RIPOR2: variants seen among roughly 807,000 people sequenced by gnomAD.
The protein encoded by RIPOR2 is RHO family interacting cell polarization regulator 2.
Under a neutral mutation model 114.5 loss-of-function variants are expected in RIPOR2, and 39 were observed. The ratio of observed to expected loss-of-function variants is 0.34; its 90% CI spans 0.26 to 0.44. The LOEUF is 0.44. RIPOR2 is among the 20% of genes least tolerant of loss of function. The probability of loss-of-function intolerance (pLI) is 1.00; values close to 1 mark genes in which losing one functional copy is unlikely to be tolerated. For synonymous variants in RIPOR2, 445 were observed against 484.4 expected (o/e 0.92, Z 1.07); for missense variants, 1,007 against 1,255.1 (o/e 0.80, Z 2.99).
intron 1 of RIPOR2, among the ~76,000 whole-genome samples, chr6:25,027,355 G>C (rs1776677511): frequency 1.3e-5 from 2 of 152,150 alleles, no homozygotes; most frequent in South Asian, 4.2e-4. Flanking sequence ...AGGGGGAGGC[G>C]CTCGAGGGTG....
chr6:25,000,372 A>G (rs911563019), intron 1 of RIPOR2, among the ~76,000 whole-genome samples: 1 of 152,196 alleles, frequency 6.6e-6, no homozygotes, highest in African/African-American at 2.4e-5. Flanking sequence ...CTGTACTGTC[A>G]GGTCTGTAAG....
At chr6:25,041,902 A>G (rs921985027) in exon 1 of RIPOR2, 17 of 702,820 alleles carry the variant, frequency 2.4e-5, no homozygotes, top group Non-Finnish European at 4.2e-5. Flanking sequence ...TTTCTGATCC[A>G]GTGTAATCGC....
intron 9 of RIPOR2, among the ~76,000 whole-genome samples, chr6:24,851,256 T>TA (rs750359349): frequency 2.6e-5 from 4 of 152,136 alleles, no homozygotes; most frequent in Non-Finnish European, 5.9e-5. Context: ...AGGTTTTCTG[T>TA]AGTAAAAGGT....
At chr6:24,965,196 G>A (rs1215764848) in intron 1 of RIPOR2, among the ~76,000 whole-genome samples, 3 of 151,720 alleles carry the variant, frequency 2.0e-5, no homozygotes, top group East Asian at 1.9e-4. Flanking sequence ...CCAGGCTAGA[G>A]CACAGTGGTA....
In RIPOR2 at chr6:24,830,489, T is replaced by C. The variant is rs1581515033; in HGVS notation, c.2506+20A>G. On this transcript the variant is annotated intron_variant, in intron 17 of 21. Transcript: ENST00000643898. ...CTCACACTGAAGGACAGAAATTCTC[T>C]CTCTACTGCTGCCTCATACCTGGGT... The C allele has an allele frequency of 6.5e-7, 1 of 1,537,202 alleles. No individual in the cohort carries two copies. Among genetic ancestry groups the C allele is most frequent in the East Asian group, 2.5e-5 (1 of 40,222 alleles).
At chr6:24,993,755 A>G (rs1041316798) in intron 1 of RIPOR2, among the ~76,000 whole-genome samples, 5 of 152,254 alleles carry the variant, frequency 3.3e-5, no homozygotes, top group Non-Finnish European at 7.3e-5. Context: ...ATAAAGTTAT[A>G]TTAAACAGTC....
chr6:24,919,841 C>T (rs1770345813), intron 1 of RIPOR2, among the ~76,000 whole-genome samples: 1 of 152,164 alleles, frequency 6.6e-6, no homozygotes, highest in Admixed American at 6.5e-5. Context: ...CACGTTTGAG[C>T]CTCTTCACCA....
chr6:25,008,360 G>A (rs934055906), intron 1 of RIPOR2, among the ~76,000 whole-genome samples: 2 of 152,190 alleles, frequency 1.3e-5, no homozygotes, highest in African/African-American at 4.8e-5. Flanking sequence ...GATCATGCAG[G>A]AGGGCCTGAT....
At chr6:25,019,104 C>T (rs1776166045) in intron 1 of RIPOR2, among the ~76,000 whole-genome samples, 1 of 152,174 alleles carries the variant, frequency 6.6e-6, no homozygotes, top group Non-Finnish European at 1.5e-5. Context: ...CGGCAACCTT[C>T]AAAGGTGAGC....
At chr6:24,880,958 C>T (rs1310699589) in intron 1 of RIPOR2, among the ~76,000 whole-genome samples, 3 of 152,148 alleles carry the variant, frequency 2.0e-5, no homozygotes, top group South Asian at 4.1e-4. Flanking sequence ...AAACAACAAA[C>T]TCAGGCCAGG....
chr6:24,975,225 C>T (rs1773988576), intron 1 of RIPOR2, among the ~76,000 whole-genome samples: 1 of 152,154 alleles, frequency 6.6e-6, no homozygotes, highest in African/African-American at 2.4e-5. Context: ...AAACTACTAA[C>T]TTTTAATTGT....
At chr6:25,014,866 C>A (rs577272147) in intron 1 of RIPOR2, 1 of 152,030 alleles carries the variant, frequency 6.6e-6, no homozygotes, top group Non-Finnish European at 1.5e-5. Context: ...GAGAAGGGCC[C>A]GAGGGATCAT....
At chr6:24,892,276 CTTTTT>C (rs1469354527) in intron 1 of RIPOR2, among the ~76,000 whole-genome samples, 1 of 151,832 alleles carries the variant, frequency 6.6e-6, no homozygotes, top group Non-Finnish European at 1.5e-5. Flanking sequence ...AGATTTTTTT[CTTTTT>C]TTTAAGAGAC....
At chr6:24,953,697 A>T (rs1160006990) in intron 1 of RIPOR2, among the ~76,000 whole-genome samples, 1 of 152,254 alleles carries the variant, frequency 6.6e-6, no homozygotes, top group African/African-American at 2.4e-5. Flanking sequence ...GAGGAATGGT[A>T]GACCCTTATT....
chr6:24,842,231 C>T (rs1211677428), intron 13 of RIPOR2, among the ~76,000 whole-genome samples: 2 of 152,140 alleles, frequency 1.3e-5, no homozygotes, highest in African/African-American at 4.8e-5. Context: ...ATTATCAGGA[C>T]CTCCCGCCTG....
At chr6:24,955,647 T>C (rs1057298366) in intron 1 of RIPOR2, among the ~76,000 whole-genome samples, 1 of 151,590 alleles carries the variant, frequency 6.6e-6, no homozygotes, top group Non-Finnish European at 1.5e-5. Context: ...TTCCCCTCTG[T>C]TATAGTTGAA....
At chr6:24,840,302 A>C (rs1761573569) in intron 13 of RIPOR2, 1 of 1,042,010 alleles carries the variant, frequency 9.6e-7, no homozygotes, top group African/African-American at 1.7e-5. Context: ...GGGCATGACA[A>C]GAAGCAGCCC....
chr6:24,940,740 G>A (rs1409820752), upstream of RIPOR2, among the ~76,000 whole-genome samples: 2 of 152,006 alleles, frequency 1.3e-5, no homozygotes, highest in African/African-American at 2.4e-5. Flanking sequence ...CCACCTCCCG[G>A]GTTCAAGTGA....
At chr6:25,030,382 C>T (rs1448837856) in intron 1 of RIPOR2, among the ~76,000 whole-genome samples, 2 of 152,048 alleles carry the variant, frequency 1.3e-5, no homozygotes, top group East Asian at 1.9e-4. Flanking sequence ...CAGAGCTTCC[C>T]CTGAGAGAGG....
Sources: allele counts gnomAD v4.1 joint callset (sites outside exome capture counted in the v4.1 genomes callset), GRCh38; gene constraint gnomAD v4.1.1; transcripts MANE v1.5; gene names NCBI Gene and HGNC (gene_info 2026-07-23, HGNC 2026-07-21).